Variants in ZNF16 observed in about 807,000 individuals in gnomAD.
ZNF16 encodes the protein zinc finger protein KOX9.
ZNF16 carries 7 observed loss-of-function variants against 9.0 expected under a neutral mutation model. The ratio of observed to expected loss-of-function variants is 0.78; its 90% confidence interval spans 0.44 to 1.47. The LOEUF (loss-of-function observed/expected upper bound fraction) is 1.47, where lower values mean the gene tolerates loss of function less well. Ranked by LOEUF, ZNF16 falls within the 40% of genes most tolerant of loss-of-function variation. The probability of loss-of-function intolerance (pLI) is 0.01; values close to 1 mark genes in which losing one functional copy is unlikely to be tolerated. For missense variants in ZNF16, 830 were observed against 854.2 expected, an observed-to-expected ratio of 0.97 and a Z score of 0.35; for synonymous variants, 312 against 301.5, an observed-to-expected ratio of 1.03 and a Z score of -0.36.
intron 1 of ZNF16, among the ~76,000 whole-genome samples, chr8:144,949,677 T>C (rs1563927432): frequency 6.6e-6 from 1 of 152,222 alleles, no homozygotes; most frequent in African/African-American, 2.4e-5. Flanking sequence ...GTTAACAAAA[T>C]GTTTACAAGC....
chr8:144,945,892 G>T, intron 2 of ZNF16, 119 bp downstream of exon 2: 1 of 1,477,888 alleles, frequency 6.8e-7, no homozygotes, highest in East Asian at 2.4e-5. Flanking sequence ...TTGAGTCAGA[G>T]TACCCCGTCA....
chr8:144,933,568 C>A lies in ZNF16; in HGVS notation c.197-978G>T, dbSNP rs1833607815. Among the ~76,000 whole-genome samples the A allele has an allele frequency of 6.6e-6, 1 of 152,150 alleles. No homozygotes were observed. Among genetic ancestry groups the A allele is most frequent in the Non-Finnish European group, 1.5e-5 (1 of 68,016 alleles). On this transcript the variant is annotated intron_variant, in intron 2 of 2. Transcript: ENST00000394909. This position sits in a 1 kb window ranked among gnomAD's most constrained non-coding sequence, Gnocchi z 5.6. ...CTCTCATTCAAACTGACATCCCAGG[C>A]CACACTGCCACCTGGATGCTGAGCA...
chr8:144,946,694 G>A (rs1202417082), intron 1 of ZNF16, among the ~76,000 whole-genome samples: 6 of 114,716 alleles, frequency 5.2e-5, no homozygotes, highest in African/African-American at 1.8e-4. Flanking sequence ...GCCATACCCT[G>A]CTGTGGGCCC....
intron 2 of ZNF16, 72 bp downstream of exon 2, chr8:144,945,939 G>A (rs532503777): frequency 1.9e-6 from 3 of 1,579,818 alleles, no homozygotes; most frequent in East Asian, 2.3e-5. Flanking sequence ...GCCTCCTAGG[G>A]GTAAGCACAG....
chr8:144,941,884 T>C (rs1833805438), intron 2 of ZNF16, among the ~76,000 whole-genome samples: 1 of 151,698 alleles, frequency 6.6e-6, no homozygotes. Context: ...GGTCTCAATC[T>C]CCTGACCTCA....
At chr8:144,942,006 C>T (rs1833810905) in intron 2 of ZNF16, among the ~76,000 whole-genome samples, 1 of 124,086 alleles carries the variant, frequency 8.1e-6, no homozygotes, top group Non-Finnish European at 1.6e-5. Flanking sequence ...GAGAGGGAGT[C>T]TCGCTCTGTC....
At chr8:144,936,347 C>T (rs1230427706) in intron 2 of ZNF16, among the ~76,000 whole-genome samples, 1 of 152,160 alleles carries the variant, frequency 6.6e-6, no homozygotes, top group Admixed American at 6.5e-5. Context: ...TACCTTTTGG[C>T]TATCATGAAT....
At chr8:144,948,553 CATT>C (rs1017807477) in intron 1 of ZNF16, 1 of 152,164 alleles carries the variant, frequency 6.6e-6, no homozygotes, top group African/African-American at 2.4e-5. Flanking sequence ...TTTAAATTCT[CATT>C]GTTTCTGAAT....
intron 2 of ZNF16, chr8:144,945,214 C>T (rs2956168): frequency 6.6e-6 from 1 of 151,972 alleles, no homozygotes; most frequent in African/African-American, 2.4e-5. Context: ...TCTTAGCTCA[C>T]TGCAACCCTT....
chr8:144,933,147 G>C lies in ZNF16; in HGVS notation c.197-557C>G, dbSNP rs1410800422. ...CTGAGCTTGGTCTTAGGAGTCACTA[G>C]TGTGGAGAGAGACCCCGTTGTACAC... On this transcript the variant is annotated intron_variant, in intron 2 of 2. Coordinates refer to ENST00000394909, the MANE Select transcript of ZNF16 (RefSeq NM_006958.3). The surrounding 1 kb of genome is among the most constrained non-coding windows in gnomAD (Gnocchi z 5.6). Among the ~76,000 whole-genome samples, 2 of 152,170 alleles carry C rather than the reference G, an allele frequency of 1.3e-5. No individual in the cohort carries two copies. Among genetic ancestry groups the C allele is most frequent in the Non-Finnish European group, 2.9e-5 (2 of 68,036 alleles).
chr8:144,949,495 A>G (rs1834039962), intron 1 of ZNF16, among the ~76,000 whole-genome samples: 1 of 152,236 alleles, frequency 6.6e-6, no homozygotes, highest in Non-Finnish European at 1.5e-5. Context: ...CTGTGTAGAA[A>G]AGGAAGACAT....
At chr8:144,942,326 C>A (rs1833822535) in intron 2 of ZNF16, among the ~76,000 whole-genome samples, 2 of 151,486 alleles carry the variant, frequency 1.3e-5, no homozygotes, top group African/African-American at 2.4e-5. Context: ...GTCACCCAGG[C>A]TGGAATGCAG....
chr8:144,930,985 T>TTGAA lies in ZNF16; in HGVS notation c.1801_1802insTTCA (p.Tyr601PhefsTer6). ...GCCCTTACCACATTCAACACAGGTG[T>TTGAA]AGGGTTTTTCCCCAGTATGAACTTT... On this transcript the variant is annotated frameshift_variant, in exon 3 of 3. Transcript: ENST00000394909. LOFTEE classifies it high-confidence loss of function. 6.2e-7 allele frequency: 1 copy of TTGAA among 1,614,202 alleles called. No individual in the cohort carries two copies. The highest frequency in any genetic ancestry group is 1.1e-5 in the South Asian group (1 of 91,080).
At chr8:144,945,983 C>A in intron 2 of ZNF16, 28 bp downstream of exon 2, 1 of 1,611,388 alleles carries the variant, frequency 6.2e-7, no homozygotes, top group Non-Finnish European at 8.5e-7. Flanking sequence ...AGAATAAGGG[C>A]ACCAGCGGAG....
At chr8:144,950,629 G>A (rs1322074088) in intron 1 of ZNF16, 168 bp downstream of exon 1, 2 of 57,178 alleles carry the variant, frequency 3.5e-5, no homozygotes, top group African/African-American at 1.4e-4. Context: ...CCCCCGCCCC[G>A]CCCCCCCCGC....
At chr8:144,946,744 C>A (rs1260759222) in intron 1 of ZNF16, among the ~76,000 whole-genome samples, 2 of 86,196 alleles carry the variant, frequency 2.3e-5, no homozygotes, top group Non-Finnish European at 4.5e-5. Context: ...GTGGGCCATA[C>A]CCTTCTGTGG....
intron 2 of ZNF16, chr8:144,944,247 T>C (rs1563924101): frequency 6.6e-6 from 1 of 151,424 alleles, no homozygotes; most frequent in Non-Finnish European, 1.5e-5. Flanking sequence ...ATTTTTTGTA[T>C]TTTTAGTTGA....
At position 144,930,637 on chromosome 8, in the gene ZNF16, G is replaced by A; in HGVS notation, c.*101C>T. 5 of 1,358,172 alleles carry A rather than the reference G, an allele frequency of 3.7e-6. No individual in the cohort carries two copies. The South Asian group carries it at 7.5e-5, about 20-fold the overall frequency. The allele number at this position is 1,358,172 out of a possible 1,614,324, so 84.1% of individuals were successfully genotyped here. A position where few individuals can be genotyped will look rare whatever the true frequency, so the allele number is the denominator to read the frequency against. On this transcript the variant is annotated 3_prime_UTR_variant, in exon 3 of 3. Transcript: ENST00000394909. ...CCACTGGATGTAGGCAGTGAGCTGAGTCCAGGCTTTCGGTCTGGGAAGTGG... is the reference window on the plus strand; with the variant it reads ...CCACTGGATGTAGGCAGTGAGCTGAATCCAGGCTTTCGGTCTGGGAAGTGG...
chr8:144,940,071 T>C (rs1269853507), intron 2 of ZNF16, among the ~76,000 whole-genome samples: 1 of 152,120 alleles, frequency 6.6e-6, no homozygotes, highest in Non-Finnish European at 1.5e-5. Context: ...TAAATCTGAC[T>C]TATATCTTTC....
Sources: allele counts gnomAD v4.1 joint callset (sites outside exome capture counted in the v4.1 genomes callset), GRCh38; gene constraint gnomAD v4.1.1; non-coding constraint Gnocchi (gnomAD v3.1); transcripts MANE v1.5; gene names NCBI Gene and HGNC (gene_info 2026-07-23, HGNC 2026-07-21).